CCDC102A: variants seen among roughly 807,000 people sequenced by gnomAD.
CCDC102A encodes coiled-coil domain-containing protein 102A.
CCDC102A carries 40 observed loss-of-function variants against 55.5 expected under a neutral mutation model. The ratio of observed to expected loss-of-function variants is 0.72; its 90% CI spans 0.56 to 0.94. CCDC102A has a LOEUF of 0.94. CCDC102A is among the 40% of genes least tolerant of loss of function. CCDC102A has a pLI of 0.00. For synonymous variants in CCDC102A, 323 were observed against 339.0 expected (o/e 0.95, Z 0.52); for missense variants, 779 against 768.6 (o/e 1.01, Z -0.16).
At position 57,529,003 on chromosome 16, in the gene CCDC102A, G is replaced by A. The variant is rs2032200856; in HGVS notation, c.175C>T (p.Pro59Ser). 1 of 1,113,074 alleles carries A rather than the reference G, an allele frequency of 9.0e-7. No individual in the cohort carries two copies. The highest frequency in any genetic ancestry group is 1.1e-6 in the Non-Finnish European group (1 of 910,414). 68.9% of individuals were successfully genotyped at this position (1,113,074 alleles called of 1,614,324 possible). Reference protein sequence around the residue: ...PGPPPALPLPPAPALLADGDW... With the variant: ...PGPPPALPLPSAPALLADGDW... ...CCGTCGGCCAGCAGCGCGGGCGCGG[G>A]GGGCAGGGGCAGTGCGGGCGGCGGC... is the stretch of plus-strand genomic sequence containing the variant. The change falls in exon 2 of 9, where the codon CCC becomes TCC. Residue 59 changes from proline (P) to serine (S), a missense_variant. By Grantham distance (74) the Pro-to-Ser change is moderately conservative. Coordinates refer to ENST00000258214, the MANE Select transcript of CCDC102A (RefSeq NM_033212.4). The surrounding 1 kb of genome is among the most constrained non-coding windows in gnomAD (Gnocchi z 4.1).
In CCDC102A at chr16:57,518,110, G is replaced by C; in HGVS notation, c.1206C>G (p.Cys402Trp). ...GCGCGGCCTGGCTGGCCCTCAGGTC[G>C]CAGTCCAGTGCGCTGGCTGTTTGCC... ...RRRQTASALD[C>W]DLRASQAALF... The change falls in exon 6 of 9, where the codon TGC (cysteine) becomes TGG (tryptophan). Residue 402 changes from cysteine (C) to tryptophan (W), a missense_variant. By Grantham distance (215) the Cys-to-Trp change is radical. Coordinates refer to ENST00000258214, the MANE Select transcript of CCDC102A (RefSeq NM_033212.4). 6.2e-7 allele frequency: 1 copy of C among 1,607,392 alleles called. No homozygotes were observed. Among genetic ancestry groups the C allele is most frequent in the Non-Finnish European group, 8.5e-7 (1 of 1,179,164 alleles).
chr16:57,528,613 C>A lies in CCDC102A; in HGVS notation c.565G>T (p.Glu189Ter), dbSNP rs1171625235. ...CGCACCTGGCTGCCTGGCGGCCTCT[C>A]GGACCCGACGTCACGCACTGGCTCG... ...EREPVRDVGS[E>*]RPPGSQELEL... Residue 189 changes from glutamate to a stop codon, truncating the protein, a stop_gained, in exon 2 of 9, where the codon GAG (glutamate) becomes TAG (stop). Transcript: ENST00000258214. LOFTEE classifies it high-confidence loss of function. 4 of 1,276,372 alleles carry A rather than the reference C, an allele frequency of 3.1e-6. No homozygotes were observed. The highest frequency in any genetic ancestry group is 3.4e-5 in the Admixed American group (1 of 29,606). The allele number at this position is 1,276,372 out of a possible 1,614,324, so 79.1% of individuals were successfully genotyped here.
At position 57,512,257 on chromosome 16, in the gene CCDC102A, C is replaced by T. The variant is rs960883980; in HGVS notation, c.*484G>A. The stretch of plus-strand genomic sequence containing the variant: ...GCGTCAGGTGCAGGCCGATGCCGTC[C>T]CCCACAACCCCCGCCCACATCTGCC... On this transcript the variant is annotated 3_prime_UTR_variant, in exon 9 of 9. Coordinates refer to ENST00000258214, the MANE Select transcript of CCDC102A (RefSeq NM_033212.4). The T allele has an allele frequency of 3.0e-5, 12 of 396,530 alleles. No homozygotes were observed. The highest frequency in any genetic ancestry group is 2.3e-4 in the African/African-American group (11 of 48,546). 24.6% of individuals were successfully genotyped at this position (396,530 alleles called of 1,614,324 possible).
At chr16:57,527,496 T>C (rs1364723219) in intron 2 of CCDC102A, among the ~76,000 whole-genome samples, 1 of 149,620 alleles carries the variant, frequency 6.7e-6, no homozygotes, top group Non-Finnish European at 1.5e-5. Context: ...CTCGGCTCAC[T>C]GCAATCTCCA....
rs1380390477 is a variant in CCDC102A, at chr16:57,529,062, G to C, written c.116C>G (p.Pro39Arg). ...PERMGPADSL[P>R]PTPPSGTPSP... ...GGGCGTGCCGCTGGGCGGCGTGGGC[G>C]GCAAGGAGTCGGCAGGCCCCATGCG... Residue 39 changes from proline to arginine, a missense_variant, in exon 2 of 9, where the codon CCG (proline) becomes CGG (arginine). Coordinates refer to ENST00000258214, the MANE Select transcript of CCDC102A (RefSeq NM_033212.4). The surrounding 1 kb of genome is among the most constrained non-coding windows in gnomAD (Gnocchi z 4.1). 8.7e-7 allele frequency: 1 copy of C among 1,147,806 alleles called. No homozygotes were observed. The highest frequency in any genetic ancestry group is 1.1e-6 in the Non-Finnish European group (1 of 934,182). 71.1% of individuals were successfully genotyped at this position (1,147,806 alleles called of 1,614,324 possible). A position where few individuals can be genotyped will look rare whatever the true frequency, so the allele number is the denominator to read the frequency against.
intron 3 of CCDC102A, among the ~76,000 whole-genome samples, chr16:57,522,561 G>A (rs1207000549): frequency 6.6e-6 from 1 of 152,186 alleles, no homozygotes; most frequent in Non-Finnish European, 1.5e-5. Flanking sequence ...GCTGCACTTT[G>A]CTTTGTTCAG....
rs994376135 is a variant in CCDC102A, at chr16:57,515,098, C to A, written c.1523+243G>T. Among the ~76,000 whole-genome samples, 96 of 152,170 alleles carry A rather than the reference C, an allele frequency of 6.3e-4. 3 individuals are homozygous for A. The highest frequency in any genetic ancestry group is 1.2e-4 in the Non-Finnish European group (8 of 68,018). ...GCCCGCCCTTCCTGCCCTCACTCTA[C>A]CCACCAGCCCTCCTGCTAGAGGAGA... is the stretch of plus-strand genomic sequence containing the variant. On this transcript the variant is annotated intron_variant, in intron 8 of 8. Transcript: ENST00000258214.
intron 3 of CCDC102A, among the ~76,000 whole-genome samples, chr16:57,525,075 T>TTTTA (rs3030605): frequency 0.056 from 8,351 of 149,446 alleles, 385 homozygotes; most frequent in Admixed American, 0.15. Context: ...ACGCTCATCG[T>TTTTA]TTTATTTATT....
rs377523198 is a variant in CCDC102A at position 57,518,119 on chromosome 16, T to A, written c.1197A>T (p.Ala399=). Residue 399 remains alanine, a synonymous_variant, in exon 6 of 9, where the codon GCA becomes GCT. Transcript: ENST00000258214. ...LARRRRQTAS[A]LDCDLRASQA... is the part of the protein sequence containing the mutation. ...GGCTGGCCCTCAGGTCGCAGTCCAG[T>A]GCGCTGGCTGTTTGCCGCCGCCGCC... 1 of 1,609,100 alleles carries A rather than the reference T, an allele frequency of 6.2e-7. No individual in the cohort carries two copies.
At chr16:57,524,904 C>A (rs541473979) in intron 3 of CCDC102A, among the ~76,000 whole-genome samples, 112 of 152,270 alleles carry the variant, frequency 7.4e-4, no homozygotes, top group African/African-American at 2.5e-3. Context: ...ATCACTCTGT[C>A]CTCCGGGAAA....
chr16:57,517,619 C>T (rs1401251950), intron 6 of CCDC102A, among the ~76,000 whole-genome samples: 1 of 152,238 alleles, frequency 6.6e-6, no homozygotes, highest in Admixed American at 6.5e-5. Flanking sequence ...GCTGAGATTA[C>T]AGATGTGTGC....
intron 5 of CCDC102A, 150 bp from the exon 6 acceptor site, chr16:57,518,427 G>A: frequency 1.2e-6 from 1 of 849,046 alleles, no homozygotes; most frequent in Non-Finnish European, 1.8e-6. Context: ...TCATTTCATG[G>A]TGTACAGGAT....
intron 8 of CCDC102A, 60 bp downstream of exon 8, chr16:57,515,276 CCCTGA>C (rs2031933642): frequency 1.9e-6 from 2 of 1,038,398 alleles, no homozygotes; most frequent in African/African-American, 3.1e-5. Flanking sequence ...TGGGCTCCGT[CCCTGA>C]CCGGAGGGTT....
In CCDC102A at chr16:57,526,071, G is replaced by C; in HGVS notation, c.642C>G (p.Cys214Trp). The change falls in exon 3 of 9, where the codon TGC becomes TGG. Residue 214 changes from cysteine to tryptophan, a missense_variant. Physicochemically the swap from Cys to Trp is radical, Grantham distance 215. Transcript: ENST00000258214. ...LKSMPEESED[C>W]WEARSLGAGG... Reference sequence around the variant, plus strand: ...CAGCCCCCAGGCTGCGCGCCTCCCAGCAGTCCTCAGACTCCTCTGGCATGC... The same window carrying C: ...CAGCCCCCAGGCTGCGCGCCTCCCACCAGTCCTCAGACTCCTCTGGCATGC... The C allele has an allele frequency of 1.9e-6, 3 of 1,586,638 alleles. No homozygotes were observed. Among genetic ancestry groups the C allele is most frequent in the Non-Finnish European group, 2.6e-6 (3 of 1,170,886 alleles).
chr16:57,528,984 GC>G lies in CCDC102A; in HGVS notation c.193del (p.Ala65ProfsTer96). ...LPLPPAPALL[A>X]DGDWESREEL... ...CTCGCGGCTCTCCCAGTCGCCGTCG[GC>G]CAGCAGCGCGGGCGCGGGGGGCAGG... On this transcript the variant is annotated frameshift_variant, in exon 2 of 9. Coordinates refer to ENST00000258214, the MANE Select transcript of CCDC102A (RefSeq NM_033212.4). LOFTEE classifies it high-confidence loss of function. The G allele has an allele frequency of 8.3e-7, 1 of 1,212,026 alleles. No individual in the cohort carries two copies. The highest frequency in any genetic ancestry group is 2.0e-5 in the South Asian group (1 of 51,052). The allele number at this position is 1,212,026 out of a possible 1,614,324, so 75.1% of individuals were successfully genotyped here. A position where few individuals can be genotyped will look rare whatever the true frequency, so the allele number is the denominator to read the frequency against.
At chr16:57,515,292 C>G in intron 8 of CCDC102A, 49 bp downstream of exon 8, 1 of 1,202,766 alleles carries the variant, frequency 8.3e-7, no homozygotes, top group East Asian at 2.5e-5. Context: ...CCGGAGGGTT[C>G]CCTGGCTGGA....
intron 3 of CCDC102A, among the ~76,000 whole-genome samples, chr16:57,522,964 C>T (rs1237263862): frequency 1.3e-5 from 2 of 152,166 alleles, no homozygotes; most frequent in Non-Finnish European, 2.9e-5. Context: ...CTCAGGAGTT[C>T]GAGAGCAGCC....
At chr16:57,527,553 G>A (rs1453273433) in intron 2 of CCDC102A, among the ~76,000 whole-genome samples, 1 of 151,660 alleles carries the variant, frequency 6.6e-6, no homozygotes, top group African/African-American at 2.4e-5. Flanking sequence ...CCGAGTAGCT[G>A]GTATTACAGG....
intron 1 of CCDC102A, among the ~76,000 whole-genome samples, chr16:57,534,873 T>G (rs561082946): frequency 6.6e-6 from 1 of 152,226 alleles, no homozygotes. Context: ...GGAAGCCTAA[T>G]TGACCCACTG....
Sources: gnomAD v4.1 joint callset for allele counts (sites outside exome capture counted in the v4.1 genomes callset) on GRCh38, gnomAD v4.1.1 for gene constraint, Gnocchi (gnomAD v3.1) non-coding constraint, MANE v1.5 for transcripts, NCBI Gene and HGNC (gene_info 2026-07-23, HGNC 2026-07-21) for gene names.